Variants in ZNF324B observed in about 807,000 individuals in gnomAD.
The protein encoded by ZNF324B is zinc finger protein 324B.
ZNF324B carries 7 observed loss-of-function variants against 10.6 expected under a neutral mutation model. The ratio of observed to expected loss-of-function variants is 0.66; its 90% CI spans 0.38 to 1.24. The LOEUF (loss-of-function observed/expected upper bound fraction) is 1.24, where lower values mean the gene tolerates loss of function less well. ZNF324B is among the 50% of genes most tolerant of loss of function. The probability of loss-of-function intolerance (pLI) is 0.02; values close to 1 mark genes in which losing one functional copy is unlikely to be tolerated. For synonymous variants in ZNF324B, 316 were observed against 321.0 expected (o/e 0.98, Z 0.17); for missense variants, 640 against 764.7 (o/e 0.84, Z 1.92).
chr19:58,427,433 T>TTCCTTTC, the ZNF324B span, among the ~76,000 whole-genome samples: 6 of 35,502 alleles, frequency 1.7e-4, no homozygotes, highest in East Asian at 5.7e-4. Flanking sequence ...CTTCCTTCCT[T>TTCCTTTC]CCTTCCTTCC....
chr19:58,434,606 C>G, the ZNF324B span: 2 of 1,613,968 alleles, frequency 1.2e-6, no homozygotes, highest in East Asian at 2.2e-5. Flanking sequence ...TTTTTATTAC[C>G]AAGGATTGAT....
upstream of ZNF324B, among the ~76,000 whole-genome samples, chr19:58,447,511 A>C (rs2052833306): frequency 6.6e-6 from 1 of 152,258 alleles, no homozygotes; most frequent in Non-Finnish European, 1.5e-5. Flanking sequence ...TGCCTGAAGA[A>C]TTACACATTA....
chr19:58,433,209 G>A, the ZNF324B span: 1 of 1,147,696 alleles, frequency 8.7e-7, no homozygotes, highest in Non-Finnish European at 1.2e-6. Context: ...GCTTCTGAAG[G>A]CTTTTCCACA....
At chr19:58,446,160 C>T in the ZNF324B span, among the ~76,000 whole-genome samples, 1 of 152,030 alleles carries the variant, frequency 6.6e-6, no homozygotes, top group Non-Finnish European at 1.5e-5. Flanking sequence ...AAAACAAAAC[C>T]CAGCCCTACA....
At chr19:58,430,014 G>A in the ZNF324B span, 2 of 152,230 alleles carry the variant, frequency 1.3e-5, no homozygotes, top group African/African-American at 2.4e-5. Context: ...ATTTAGCAAA[G>A]ATGATGGGAT....
Position 58,455,096 on chromosome 19 carries a change from T to A in ZNF324B, c.239-87T>A. Reference sequence around the variant, plus strand: ...TTCCCTAAGCTTTTGTCCCGGCTCCTGGGCTCCCCCTTGCCTGTCCACTCA... The same window carrying A: ...TTCCCTAAGCTTTTGTCCCGGCTCCAGGGCTCCCCCTTGCCTGTCCACTCA... On this transcript the variant is annotated intron_variant, in intron 3 of 3. Transcript: ENST00000336614. This position sits in a 1 kb window ranked among gnomAD's most constrained non-coding sequence, Gnocchi z 7.0. The A allele has an allele frequency of 6.4e-7, 1 of 1,567,486 alleles. No homozygotes were observed. Among genetic ancestry groups the A allele is most frequent in the Non-Finnish European group, 8.7e-7 (1 of 1,146,948 alleles).
the ZNF324B span, among the ~76,000 whole-genome samples, chr19:58,446,087 A>C: frequency 6.6e-6 from 1 of 152,214 alleles, no homozygotes; most frequent in Non-Finnish European, 1.5e-5. Context: ...GTGAGCCAAG[A>C]TCATGCCACT....
chr19:58,427,273 C>G, the ZNF324B span, among the ~76,000 whole-genome samples: 2 of 130,246 alleles, frequency 1.5e-5, no homozygotes. Context: ...TACACGCATG[C>G]GCCACCATGC....
chr19:58,447,002 G>A (rs189382476), upstream of ZNF324B, among the ~76,000 whole-genome samples: 5 of 146,038 alleles, frequency 3.4e-5, no homozygotes. Flanking sequence ...TTGAGGCAGA[G>A]TCTCACTCTG....
upstream of ZNF324B, among the ~76,000 whole-genome samples, chr19:58,451,362 G>C (rs533605878): frequency 1.0e-3 from 152 of 152,380 alleles, no homozygotes; most frequent in African/African-American, 3.5e-3. Context: ...GCCAGGAACT[G>C]GGAATCCCCA....
At chr19:58,434,082 G>A in the ZNF324B span, 70 of 1,612,000 alleles carry the variant, frequency 4.3e-5, no homozygotes, top group Middle Eastern at 6.6e-4. Flanking sequence ...GCCGTTCTCC[G>A]GTGTGAACTT....
chr19:58,453,634 C>G (rs1006332592), intron 1 of ZNF324B, 62 bp from the exon 2 acceptor site: 33 of 1,611,442 alleles, frequency 2.0e-5, no homozygotes, highest in African/African-American at 4.0e-5. Context: ...GGATGGGGAG[C>G]TTGGTCCTGG....
At chr19:58,452,654 G>A in intron 1 of ZNF324B, 1 of 968,362 alleles carries the variant, frequency 1.0e-6, no homozygotes, top group Non-Finnish European at 1.2e-6. Context: ...AAGATCAAGA[G>A]TCTGGGATGT....
At chr19:58,437,746 C>T in the ZNF324B span, 2 of 985,310 alleles carry the variant, frequency 2.0e-6, no homozygotes, top group Non-Finnish European at 2.4e-6. Context: ...CAACCGGGAT[C>T]CATTCCTGGT....
At chr19:58,439,215 GACC>G in the ZNF324B span, among the ~76,000 whole-genome samples, 1 of 152,092 alleles carries the variant, frequency 6.6e-6, no homozygotes, top group Non-Finnish European at 1.5e-5. Flanking sequence ...CACACATCTG[GACC>G]ACATCTGTCA....
rs113644264 is a variant in ZNF324B, at chr19:58,454,629, G to A, written c.238+285G>A. 4.7e-5 allele frequency: 26 copies of A among 559,108 alleles called. 1 individual carries two copies. The highest frequency in any genetic ancestry group is 2.4e-4 in the South Asian group (9 of 38,276). The allele number at this position is 559,108 out of a possible 1,614,324, so 34.6% of individuals were successfully genotyped here. ...GCCATTATTGATAGGTATTTATTTC[G>A]CCCATCATTTATCTTTGTATTCATC... is the stretch of plus-strand genomic sequence containing the variant. On this transcript the variant is annotated intron_variant, in intron 3 of 3. Coordinates refer to ENST00000336614, the MANE Select transcript of ZNF324B (RefSeq NM_207395.3).
At chr19:58,427,450 T>TCC in the ZNF324B span, among the ~76,000 whole-genome samples, 50 of 55,136 alleles carry the variant, frequency 9.1e-4, 1 homozygote, top group African/African-American at 4.0e-3. Flanking sequence ...TTCCTTTCCT[T>TCC]TCCCTTCCTT....
rs372056529 is a variant in ZNF324B, at chr19:58,454,217, C to T, written c.122-11C>T. The T allele has an allele frequency of 1.4e-5, 22 of 1,600,514 alleles. No homozygotes were observed. The African/African-American group carries it at 2.1e-4, about 16-fold the overall frequency. The stretch of plus-strand genomic sequence containing the variant: ...ACCTGGGGCTGGGCTCTCACCTGCT[C>T]CTCCTCACAGGACTCTCTACCTCCC... On this transcript the variant is annotated splice_polypyrimidine_tract_variant and intron_variant, in intron 2 of 3. Transcript: ENST00000336614.
In ZNF324B at chr19:58,455,417, T is replaced by C; in HGVS notation, c.473T>C (p.Ile158Thr). The change falls in exon 4 of 4, where the codon ATC becomes ACC. Residue 158 changes from isoleucine to threonine, a missense_variant. By Grantham distance (89) the Ile-to-Thr change is moderately conservative (BLOSUM62 -1). Transcript: ENST00000336614. The surrounding 1 kb of genome is among the most constrained non-coding windows in gnomAD (Gnocchi z 7.0). ...GGCTCGCGCAGTGACCAGGCCAGCA[T>C]CAGCCTGCGACTGACCTCCCCACTC... ...LLGSRSDQASISLRLTSPLRP... is the reference protein window; with the variant it reads ...LLGSRSDQASTSLRLTSPLRP... 1 of 1,614,060 alleles carries C rather than the reference T, an allele frequency of 6.2e-7. No homozygotes were observed. Among genetic ancestry groups the C allele is most frequent in the East Asian group, 2.2e-5 (1 of 44,872 alleles).
Sources: allele counts gnomAD v4.1 joint callset (sites outside exome capture counted in the v4.1 genomes callset), GRCh38; gene constraint gnomAD v4.1.1; non-coding constraint Gnocchi (gnomAD v3.1); transcripts MANE v1.5; gene names NCBI Gene and HGNC (gene_info 2026-07-23, HGNC 2026-07-21).